Variants in NKAIN3 observed in about 807,000 individuals in gnomAD.
NKAIN3 encodes sodium/potassium-transporting ATPase subunit beta-1-interacting protein 3.
NKAIN3 carries 25 observed loss-of-function variants against 30.2 expected under a neutral mutation model. That is an observed-to-expected ratio of 0.83 (90% CI 0.60 to 1.16). The LOEUF (loss-of-function observed/expected upper bound fraction) is 1.16, where lower values mean the gene tolerates loss of function less well. Among genes scored for constraint, NKAIN3 ranks in the 50% most tolerant of loss-of-function variants. The probability of loss-of-function intolerance (pLI) is 0.00; values close to 1 mark genes in which losing one functional copy is unlikely to be tolerated. For missense variants in NKAIN3, 225 were observed against 254.1 expected, an observed-to-expected ratio of 0.89 and a Z score of 0.78; for synonymous variants, 91 against 89.6, an observed-to-expected ratio of 1.02 and a Z score of -0.09.
intron 1 of NKAIN3, among the ~76,000 whole-genome samples, chr8:62,251,068 A>G (rs758753747): frequency 4.6e-5 from 7 of 152,188 alleles, no homozygotes; most frequent in Admixed American, 6.5e-5. Flanking sequence ...ATATTTGCTG[A>G]ATTTTTGATA....
rs1297725380 is a variant in NKAIN3 at position 62,635,964 on chromosome 8, C to G, written c.273+46170C>G. ...CAAAATATCTGAGTGGTGACTTTGC[C>G]CTGTCTACACAGAATAGACCACTGC... On this transcript the variant is annotated intron_variant, in intron 3 of 6. Coordinates refer to ENST00000623646, the MANE Select transcript of NKAIN3 (RefSeq NM_001304533.3). Among the ~76,000 whole-genome samples the G allele has an allele frequency of 2.6e-5, 4 of 152,018 alleles. No homozygotes were observed. The East Asian group carries it at 7.8e-4, about 29-fold the overall frequency.
intron 4 of NKAIN3, among the ~76,000 whole-genome samples, chr8:62,770,210 G>C (rs535927541): frequency 1.3e-5 from 2 of 152,336 alleles, no homozygotes; most frequent in East Asian, 3.9e-4. Flanking sequence ...GTGACTGCAT[G>C]CCTAGGCAAG....
rs1563551311 is a variant in NKAIN3 at position 62,763,259 on chromosome 8, A to AAAAAAAAC, written c.471+16132_471+16133insAAAAACAA. 8.1e-4 allele frequency among the ~76,000 whole-genome samples: 114 copies of AAAAAAAAC among 140,456 alleles called. 2 individuals are homozygous for AAAAAAAAC. Among genetic ancestry groups the AAAAAAAAC allele is most frequent in the African/African-American group, 3.1e-3 (113 of 36,178 alleles). 92.1% of individuals were successfully genotyped at this position (140,456 alleles called of 152,430 possible). A position where few individuals can be genotyped will look rare whatever the true frequency, so the allele number is the denominator to read the frequency against. On this transcript the variant is annotated intron_variant, in intron 4 of 6. Coordinates refer to ENST00000623646, the MANE Select transcript of NKAIN3 (RefSeq NM_001304533.3). ...AAAAAAAAAAAAAAAAAAAAAAAAA[A>AAAAAAAAC]AACTTATATAGTCAGCCTAAAAAGA...
chr8:62,823,789 G>A (rs1818930827), intron 4 of NKAIN3, among the ~76,000 whole-genome samples: 1 of 152,058 alleles, frequency 6.6e-6, no homozygotes, highest in Admixed American at 6.6e-5. Flanking sequence ...AGTGTCATTT[G>A]GGCTCAAGGT....
Position 62,667,316 on chromosome 8 carries a change from T to C in NKAIN3, c.273+77522T>C, listed in dbSNP as rs894482034. Among the ~76,000 whole-genome samples, 7 of 126,438 alleles carry C rather than the reference T, an allele frequency of 5.5e-5. No individual in the cohort carries two copies. The East Asian group carries it at 1.5e-3, about 28-fold the overall frequency. 82.9% of individuals were successfully genotyped at this position (126,438 alleles called of 152,430 possible). On this transcript the variant is annotated intron_variant, in intron 3 of 6. Coordinates refer to ENST00000623646, the MANE Select transcript of NKAIN3 (RefSeq NM_001304533.3). ...GTATAATAAAAAATATATATATATTTATATATATATATTCTTTATATATAT... is the reference window on the plus strand; with the variant it reads ...GTATAATAAAAAATATATATATATTCATATATATATATTCTTTATATATAT...
intron 5 of NKAIN3, among the ~76,000 whole-genome samples, chr8:62,994,990 T>A (rs1243392257): frequency 1.3e-5 from 2 of 152,192 alleles, no homozygotes; most frequent in Non-Finnish European, 2.9e-5. Context: ...AGGACTTTGA[T>A]GATACTCTGA....
At chr8:62,667,332 T>TTA (rs927315795) in intron 3 of NKAIN3, among the ~76,000 whole-genome samples, 4 of 111,382 alleles carry the variant, frequency 3.6e-5, no homozygotes, top group Non-Finnish European at 5.4e-5. Flanking sequence ...TATATATTCT[T>TTA]TATATATATA....
At chr8:62,388,391 G>A (rs1817490680) in intron 1 of NKAIN3, among the ~76,000 whole-genome samples, 1 of 152,276 alleles carries the variant, frequency 6.6e-6, no homozygotes, top group East Asian at 1.9e-4. Flanking sequence ...TTTGAAGCAT[G>A]GATTTATTTC....
At chr8:62,383,129 G>T (rs1217313034) in intron 1 of NKAIN3, among the ~76,000 whole-genome samples, 1 of 152,070 alleles carries the variant, frequency 6.6e-6, no homozygotes, top group Non-Finnish European at 1.5e-5. Context: ...AACTCAAAGG[G>T]TTTTGGGCAG....
At chr8:62,273,868 T>C (rs1400529841) in intron 1 of NKAIN3, among the ~76,000 whole-genome samples, 2 of 152,192 alleles carry the variant, frequency 1.3e-5, no homozygotes, top group African/African-American at 4.8e-5. Flanking sequence ...ATTAGCACCC[T>C]AATGGGAAGG....
intron 1 of NKAIN3, among the ~76,000 whole-genome samples, chr8:62,546,556 C>A (rs1292867896): frequency 6.6e-6 from 1 of 152,136 alleles, no homozygotes; most frequent in Non-Finnish European, 1.5e-5. Context: ...TTACTTCTCC[C>A]AGGTTCTTCA....
chr8:62,379,112 A>G (rs1817186825), intron 1 of NKAIN3, among the ~76,000 whole-genome samples: 1 of 152,176 alleles, frequency 6.6e-6, no homozygotes, highest in South Asian at 2.1e-4. Flanking sequence ...AAGTTTGGAA[A>G]TTTAAGGTTT....
At chr8:62,312,358 A>C (rs1278904300) in intron 1 of NKAIN3, among the ~76,000 whole-genome samples, 2 of 150,610 alleles carry the variant, frequency 1.3e-5, no homozygotes, top group Admixed American at 6.6e-5. Flanking sequence ...TTAGGCTCTT[A>C]AGCAAAAAAT....
intron 4 of NKAIN3, among the ~76,000 whole-genome samples, chr8:62,838,021 T>A (rs28455761): frequency 0.014 from 2,105 of 152,002 alleles, 45 homozygotes; most frequent in African/African-American, 0.047. Flanking sequence ...TTTTAATGCG[T>A]AAAAACTTAG....
intron 1 of NKAIN3, among the ~76,000 whole-genome samples, chr8:62,553,461 G>T (rs890425582): frequency 6.6e-6 from 1 of 151,682 alleles, no homozygotes; most frequent in African/African-American, 2.4e-5. Context: ...TTAAAACCTT[G>T]CATCTTACAG....
At chr8:62,650,954 C>A (rs1199221296) in intron 3 of NKAIN3, among the ~76,000 whole-genome samples, 1 of 151,940 alleles carries the variant, frequency 6.6e-6, no homozygotes, top group Admixed American at 6.6e-5. Context: ...ATATAAATTT[C>A]TATTGCAAGA....
intron 3 of NKAIN3, 37 bp from the exon 4 acceptor site, chr8:62,746,895 T>C (rs751874349): frequency 6.8e-7 from 1 of 1,467,520 alleles, no homozygotes; most frequent in Non-Finnish European, 9.5e-7. Flanking sequence ...TGTAATACAA[T>C]TTCCTCATTT....
At chr8:62,760,250 A>T (rs532242757) in intron 4 of NKAIN3, among the ~76,000 whole-genome samples, 3 of 152,268 alleles carry the variant, frequency 2.0e-5, no homozygotes, top group African/African-American at 7.2e-5. Context: ...TAGAAATACC[A>T]TTTGACCCAG....
Position 62,977,653 on chromosome 8 carries a change from T to C in NKAIN3, c.*12246T>C, listed in dbSNP as rs1823975183. Among the ~76,000 whole-genome samples the C allele has an allele frequency of 6.6e-6, 1 of 152,236 alleles. No individual in the cohort carries two copies. Among genetic ancestry groups the C allele is most frequent in the African/African-American group, 2.4e-5 (1 of 41,556 alleles). On this transcript the variant is annotated 3_prime_UTR_variant, in exon 7 of 7. Transcript: ENST00000623646. ...TCTTAGCTTCCTCGTATTGGGTTACTATATGTTCCATTCGCTCTGAGGAGT... is the reference window on the plus strand; with the variant it reads ...TCTTAGCTTCCTCGTATTGGGTTACCATATGTTCCATTCGCTCTGAGGAGT...
Sources: allele counts gnomAD v4.1 joint callset (sites outside exome capture counted in the v4.1 genomes callset), GRCh38; gene constraint gnomAD v4.1.1; transcripts MANE v1.5; gene names NCBI Gene and HGNC (gene_info 2026-07-23, HGNC 2026-07-21).